Variants in PTPRJ observed in about 807,000 individuals in gnomAD.
The protein encoded by PTPRJ is protein tyrosine phosphatase receptor type J, also known as receptor-type tyrosine-protein phosphatase eta.
A neutral mutation model predicts 141.3 loss-of-function variants in PTPRJ; 129 were observed. The observed-to-expected ratio is 0.91, with a 90% CI of 0.79 to 1.06. PTPRJ has a LOEUF of 1.06. PTPRJ is among the 50% of genes least tolerant of loss of function. The pLI is 0.00. For synonymous variants in PTPRJ, 610 were observed against 640.5 expected, an observed-to-expected ratio of 0.95 and a Z score of 0.72; for missense variants, 1,601 against 1,679.7, an observed-to-expected ratio of 0.95 and a Z score of 0.82.
At chr11:48,040,902 T>TA (rs1854258604) in intron 1 of PTPRJ, among the ~76,000 whole-genome samples, 1 of 152,066 alleles carries the variant, frequency 6.6e-6, no homozygotes, top group Non-Finnish European at 1.5e-5. Context: ...ATGCCCCTCT[T>TA]ACATTCTTTT....
intron 14 of PTPRJ, among the ~76,000 whole-genome samples, chr11:48,145,560 T>A (rs1271513263): frequency 1.9e-5 from 2 of 104,104 alleles, no homozygotes; most frequent in African/African-American, 8.0e-5. Flanking sequence ...TATTTTATGT[T>A]TTTTTTTTTT....
At chr11:48,032,914 C>T (rs1034624819) in intron 1 of PTPRJ, among the ~76,000 whole-genome samples, 5 of 151,818 alleles carry the variant, frequency 3.3e-5, no homozygotes, top group African/African-American at 9.7e-5. Context: ...GGAAGAGAGA[C>T]AAATATAGAA....
At chr11:48,097,737 C>T (rs967813158) in intron 1 of PTPRJ, among the ~76,000 whole-genome samples, 4 of 152,076 alleles carry the variant, frequency 2.6e-5, no homozygotes, top group Non-Finnish European at 4.4e-5. Context: ...GGGGTTTCAC[C>T]GTGTTGCCCC....
At position 48,153,811 on chromosome 11, in the gene PTPRJ, G is replaced by A; in HGVS notation, c.3154G>A (p.Gly1052Arg). 1 of 1,612,276 alleles carries A rather than the reference G, an allele frequency of 6.2e-7. No individual in the cohort carries two copies. Among genetic ancestry groups the A allele is most frequent in the Non-Finnish European group, 8.5e-7 (1 of 1,178,420 alleles). Reference protein sequence around the residue: ...AEEYEDLKLVGISQPKYAAEL... With the variant: ...AEEYEDLKLVRISQPKYAAEL... Reference sequence around the variant, plus strand: ...TTGTTTTCAGGATCTGAAGCTTGTTGGAATTAGTCAACCTAAATATGCAGC... The same window carrying A: ...TTGTTTTCAGGATCTGAAGCTTGTTAGAATTAGTCAACCTAAATATGCAGC... Residue 1052 changes from glycine to arginine, a missense_variant, in exon 19 of 25, where the codon GGA (glycine) becomes AGA (arginine). Physicochemically the swap from Gly to Arg is moderately radical, Grantham distance 125. Transcript: ENST00000418331.
chr11:48,036,321 C>T (rs1418284859), intron 1 of PTPRJ, among the ~76,000 whole-genome samples: 1 of 152,190 alleles, frequency 6.6e-6, no homozygotes, highest in Non-Finnish European at 1.5e-5. Flanking sequence ...GGTTGCATGC[C>T]ATTGACTTCT....
intron 1 of PTPRJ, among the ~76,000 whole-genome samples, chr11:48,046,042 C>T (rs529665499): frequency 6.6e-6 from 1 of 152,082 alleles, no homozygotes; most frequent in South Asian, 2.1e-4. Context: ...CAGTTCCATA[C>T]GTTAGCTCAT....
chr11:48,139,884 ATT>A (rs1857193322), intron 11 of PTPRJ, 108 bp downstream of exon 11: 1 of 1,161,770 alleles, frequency 8.6e-7, no homozygotes, highest in Admixed American at 2.6e-5. Flanking sequence ...TTGTTTTTTT[ATT>A]TCCCCTAAAA....
rs530992803 is a variant in PTPRJ at position 48,119,230 on chromosome 11, A to G, written c.353-1773A>G. On this transcript the variant is annotated intron_variant, in intron 3 of 24. Coordinates refer to ENST00000418331, the MANE Select transcript of PTPRJ (RefSeq NM_002843.4). ...TGTTATTGATTGTAAATGGAAGCAC[A>G]GTGGTCATCTTCCAAATATGCCACT... 2.0e-5 allele frequency among the ~76,000 whole-genome samples: 3 copies of G among 152,292 alleles called. No homozygotes were observed. The East Asian group carries it at 5.8e-4, about 29-fold the overall frequency.
chr11:48,111,616 T>C (rs755128733), intron 2 of PTPRJ, among the ~76,000 whole-genome samples: 1 of 152,200 alleles, frequency 6.6e-6, no homozygotes, highest in Non-Finnish European at 1.5e-5. Context: ...GGGTACCTTG[T>C]ACAGGCTTGA....
At chr11:48,002,263 G>T (rs932414490) in intron 1 of PTPRJ, among the ~76,000 whole-genome samples, 1 of 151,038 alleles carries the variant, frequency 6.6e-6, no homozygotes, top group Non-Finnish European at 1.5e-5. Flanking sequence ...TCAGCCTCCC[G>T]AGTAGCTGGG....
At chr11:48,004,038 C>T (rs965665820) in intron 1 of PTPRJ, among the ~76,000 whole-genome samples, 3 of 152,128 alleles carry the variant, frequency 2.0e-5, no homozygotes, top group Admixed American at 1.3e-4. Flanking sequence ...AGCCAGAAAC[C>T]AGCTGAGCCT....
chr11:48,054,206 T>G (rs1854693465), intron 1 of PTPRJ, among the ~76,000 whole-genome samples: 1 of 152,214 alleles, frequency 6.6e-6, no homozygotes, highest in Non-Finnish European at 1.5e-5. Flanking sequence ...AGTGCTGGGA[T>G]TACAGGCGTG....
At chr11:47,990,211 C>T (rs1279078601) in intron 1 of PTPRJ, among the ~76,000 whole-genome samples, 1 of 151,788 alleles carries the variant, frequency 6.6e-6, no homozygotes, top group Non-Finnish European at 1.5e-5. Context: ...TAGGTGCAGG[C>T]GGTAAATACT....
chr11:48,020,473 C>G (rs1275673089), intron 1 of PTPRJ, among the ~76,000 whole-genome samples: 1 of 152,166 alleles, frequency 6.6e-6, no homozygotes, highest in Non-Finnish European at 1.5e-5. Flanking sequence ...GCCCCGTTTC[C>G]TTCTAGAAGT....
chr11:48,057,328 T>C (rs1447695748), intron 1 of PTPRJ, among the ~76,000 whole-genome samples: 2 of 152,184 alleles, frequency 1.3e-5, no homozygotes, highest in Non-Finnish European at 2.9e-5. Context: ...GAGGTGCTTA[T>C]GATTGGAGTT....
intron 11 of PTPRJ, among the ~76,000 whole-genome samples, chr11:48,142,372 T>A (rs1857251930): frequency 2.0e-5 from 3 of 152,186 alleles, no homozygotes; most frequent in Non-Finnish European, 4.4e-5. Flanking sequence ...TTTTTTATAT[T>A]CTGTAAAAAT....
At chr11:48,137,345 C>A in intron 10 of PTPRJ, 64 bp downstream of exon 10, 1 of 1,505,780 alleles carries the variant, frequency 6.6e-7, no homozygotes, top group South Asian at 1.3e-5. Flanking sequence ...GCAGGTCAGT[C>A]CTCCCAAGTC....
At chr11:47,983,046 G>A (rs1372741965) in intron 1 of PTPRJ, among the ~76,000 whole-genome samples, 1 of 152,172 alleles carries the variant, frequency 6.6e-6, no homozygotes, top group Admixed American at 6.6e-5. Flanking sequence ...CAAGACAGCT[G>A]AAACCCCTCA....
At chr11:48,070,693 C>T (rs777075504) in intron 1 of PTPRJ, among the ~76,000 whole-genome samples, 38 of 152,122 alleles carry the variant, frequency 2.5e-4, no homozygotes, top group African/African-American at 8.5e-4. Flanking sequence ...TACGCTTATG[C>T]GAGGGGATTT....
Sources: allele counts gnomAD v4.1 joint callset (sites outside exome capture counted in the v4.1 genomes callset), GRCh38; gene constraint gnomAD v4.1.1; transcripts MANE v1.5; gene names NCBI Gene and HGNC (gene_info 2026-07-23, HGNC 2026-07-21).